The following ANK3 variants were observed in gnomAD, a reference collection of about 807,000 sequenced individuals.
The protein encoded by ANK3 is ankyrin-3.
In ANK3, 57 loss-of-function variants were observed where a neutral mutation model predicts 370.9. That is an observed-to-expected ratio of 0.15 (90% confidence interval 0.12 to 0.19). ANK3 has a LOEUF of 0.19. Ranked by LOEUF, ANK3 falls within the 10% of genes least tolerant of loss-of-function variation. The pLI, the probability that ANK3 is intolerant of heterozygous loss-of-function variation, is 1.00. For missense variants in ANK3, 4,439 were observed against 5,302.1 expected (o/e 0.84, Z 5.06); for synonymous variants, 1,929 against 1,946.3 (o/e 0.99, Z 0.23).
chr10:60,350,451 A>T (rs947907284), intron 1 of ANK3, among the ~76,000 whole-genome samples: 8 of 152,152 alleles, frequency 5.3e-5, no homozygotes, highest in Non-Finnish European at 1.2e-4. Context: ...TGATGTTACA[A>T]ATGTGGGCAG....
At chr10:60,471,889 C>G (rs953634848) in intron 2 of ANK3, among the ~76,000 whole-genome samples, 1 of 151,816 alleles carries the variant, frequency 6.6e-6, no homozygotes, top group African/African-American at 2.4e-5. Context: ...TGGAGCTTTC[C>G]TATACCGCAA....
intron 1 of ANK3, among the ~76,000 whole-genome samples, chr10:60,718,327 A>T (rs2079817701): frequency 6.6e-6 from 1 of 152,196 alleles, no homozygotes; most frequent in South Asian, 2.1e-4. Context: ...TGCTTTTGTA[A>T]TTTAAAAAAC....
chr10:60,118,456 T>C (rs10994210), intron 25 of ANK3, among the ~76,000 whole-genome samples: 105,244 of 151,978 alleles, frequency 0.69, 37,146 homozygotes, highest in East Asian at 0.93. Context: ...AATAAGAATC[T>C]ACGGAACCAA....
chr10:60,401,721 T>C (rs559379904), intron 2 of ANK3, among the ~76,000 whole-genome samples: 1 of 152,370 alleles, frequency 6.6e-6, no homozygotes, highest in Non-Finnish European at 1.5e-5. Flanking sequence ...TTCCATGTGA[T>C]GTACATGTCA....
chr10:60,030,206 G>C (rs1441076935), intron 43 of ANK3, among the ~76,000 whole-genome samples: 1 of 151,976 alleles, frequency 6.6e-6, no homozygotes, highest in South Asian at 2.1e-4. Flanking sequence ...GCAGTGGCCC[G>C]AAATTGGCTC....
At chr10:60,460,855 C>T (rs181008492) in intron 2 of ANK3, among the ~76,000 whole-genome samples, 88 of 152,234 alleles carry the variant, frequency 5.8e-4, no homozygotes, top group Admixed American at 8.5e-4. Context: ...AAATCTATGG[C>T]ATAATACTGT....
intron 1 of ANK3, among the ~76,000 whole-genome samples, chr10:60,286,731 T>G (rs1005008425): frequency 7.9e-5 from 12 of 152,180 alleles, no homozygotes; most frequent in African/African-American, 2.9e-4. Context: ...GACCTCATAT[T>G]CCTTAGAAAC....
chr10:60,324,411 C>G (rs985944244), intron 1 of ANK3, among the ~76,000 whole-genome samples: 1 of 152,176 alleles, frequency 6.6e-6, no homozygotes, highest in Non-Finnish European at 1.5e-5. Context: ...AATATTTTCT[C>G]TCTGATTACA....
intron 42 of ANK3, among the ~76,000 whole-genome samples, 169 bp downstream of exon 42, chr10:60,055,489 G>GTTTAACTCAGTACTTTC (rs1313941520): frequency 2.4e-4 from 37 of 151,934 alleles, no homozygotes; most frequent in Non-Finnish European, 1.5e-5. Flanking sequence ...TTACCTATGT[G>GTTTAACTCAGTACTTTC]TTTAACTCAG....
chr10:60,253,763 C>A (rs552035575), intron 7 of ANK3, among the ~76,000 whole-genome samples: 1 of 152,180 alleles, frequency 6.6e-6, no homozygotes, highest in East Asian at 1.9e-4. Context: ...GTTTACATAA[C>A]CCTTAAAAGA....
At chr10:60,144,231 A>C (rs1233364949) in intron 23 of ANK3, 2 of 444,050 alleles carry the variant, frequency 4.5e-6, no homozygotes, top group East Asian at 1.5e-4. Context: ...AACCAAAACA[A>C]AAATGAGAAA....
At chr10:60,393,827 T>A (rs2063161287), upstream of ANK3, among the ~76,000 whole-genome samples, 1 of 152,010 alleles carries the variant, frequency 6.6e-6, no homozygotes, top group Admixed American at 6.6e-5. Context: ...ACTTGGGGAT[T>A]TTGAAGTTAC....
chr10:60,173,805 G>C (rs1225264440), intron 18 of ANK3, among the ~76,000 whole-genome samples: 1 of 152,178 alleles, frequency 6.6e-6, no homozygotes, highest in Non-Finnish European at 1.5e-5. Context: ...ATTTAGACAA[G>C]AAATGGTTTG....
At chr10:60,053,814 C>A in intron 42 of ANK3, 2 of 1,085,462 alleles carry the variant, frequency 1.8e-6, no homozygotes, top group Non-Finnish European at 2.5e-6. Context: ...TATGGTATAG[C>A]CACAAACGAT....
rs1271317777 is a variant in ANK3, at chr10:60,069,596, A to G, written c.11285T>C (p.Met3762Thr). The G allele has an allele frequency of 1.9e-6, 3 of 1,613,798 alleles. No individual in the cohort carries two copies. In the Admixed American group the frequency reaches 5.0e-5, roughly 27 times the overall value. ...CQGLENETIT[M>T]ISNTANSQMG... ...CTGGCTATTGGCTGTATTTGAAATC[A>G]TTGTTATAGTTTCATTTTCTAATCC... The change falls in exon 37 of 44, where the codon ATG becomes ACG. Residue 3762 changes from methionine to threonine, a missense_variant. Physicochemically the swap from Met to Thr is moderately conservative, Grantham distance 81. This residue lies in a region of ANK3 where 496 missense variants were observed against 529.3 expected (regional missense o/e 0.94). Transcript: ENST00000280772.
intron 23 of ANK3, among the ~76,000 whole-genome samples, chr10:60,163,150 C>G (rs1158203617): frequency 6.6e-6 from 1 of 152,092 alleles, no homozygotes; most frequent in Non-Finnish European, 1.5e-5. Context: ...TCTATACACA[C>G]ACTCTTTCAT....
intron 23 of ANK3, among the ~76,000 whole-genome samples, chr10:60,153,656 T>C (rs16914810): frequency 0.06 from 9,075 of 152,280 alleles, 464 homozygotes; most frequent in East Asian, 0.23. Context: ...ATAATCACTA[T>C]ATAATTCTAA....
chr10:60,107,716 C>T (rs2092331470), intron 27 of ANK3, among the ~76,000 whole-genome samples: 1 of 152,170 alleles, frequency 6.6e-6, no homozygotes, highest in Non-Finnish European at 1.5e-5. Flanking sequence ...AAAAATTACA[C>T]AGTACTCATG....
chr10:60,469,031 G>GTATATA lies in ANK3; in HGVS notation c.96+146149_96+146154dup, dbSNP rs71015795. Among the ~76,000 whole-genome samples the GTATATA allele has an allele frequency of 3.3e-3, 38 of 11,620 alleles. 3 individuals carry two copies. Among genetic ancestry groups the GTATATA allele is most frequent in the African/African-American group, 0.014 (38 of 2,790 alleles). The allele number at this position is 11,620 out of a possible 152,430, so 7.6% of individuals were successfully genotyped here. On this transcript the variant is annotated intron_variant, in intron 2 of 43. Transcript: ENST00000373827. ...TATATATATATATACCACTTTTAGT[G>GTATATA]TATATATATATATATATATATATAC...
Sources: allele counts gnomAD v4.1 joint callset (sites outside exome capture counted in the v4.1 genomes callset), GRCh38; gene constraint gnomAD v4.1.1; regional missense constraint gnomAD v4.1.1; transcripts MANE v1.5; gene names NCBI Gene and HGNC (gene_info 2026-07-23, HGNC 2026-07-21).